The following PLEKHH2 variants were observed in gnomAD, a reference collection of about 807,000 sequenced individuals.
PLEKHH2 encodes the protein pleckstrin homology domain-containing family H member 2.
PLEKHH2 carries 129 observed loss-of-function variants against 187.9 expected under a neutral mutation model. That is an observed-to-expected ratio of 0.69 (90% CI 0.59 to 0.79). The LOEUF is 0.79. PLEKHH2 is among the 30% of genes least tolerant of loss of function. The pLI, the probability that PLEKHH2 is intolerant of heterozygous loss-of-function variation, is 0.00. For missense variants in PLEKHH2, 2,076 were observed against 1,751.2 expected (o/e 1.19, Z -3.31); for synonymous variants, 686 against 605.6 (o/e 1.13, Z -1.95).
chr2:43,751,819 T>A (rs1672022009), intron 24 of PLEKHH2, among the ~76,000 whole-genome samples: 1 of 152,062 alleles, frequency 6.6e-6, no homozygotes, highest in African/African-American at 2.4e-5. Context: ...TCATTTTTGT[T>A]CCTCTTCAAA....
intron 11 of PLEKHH2, 24 bp downstream of exon 11, chr2:43,707,569 G>A (rs750992824): frequency 2.5e-6 from 4 of 1,613,308 alleles, no homozygotes; most frequent in Admixed American, 1.7e-5. Flanking sequence ...GCAGGCATAT[G>A]AGGCAACTCC....
chr2:43,681,405 T>C (rs6728623), intron 3 of PLEKHH2: 281,466 of 1,543,448 alleles, frequency 0.18, 26,543 homozygotes, highest in Middle Eastern at 0.25. Flanking sequence ...ACTTTGTTCT[T>C]TCCTTTGTTT....
chr2:43,709,079 T>C (rs1480296811), intron 11 of PLEKHH2, among the ~76,000 whole-genome samples: 1 of 152,252 alleles, frequency 6.6e-6, no homozygotes, highest in Non-Finnish European at 1.5e-5. Context: ...GAAATGTGGC[T>C]TGCAACTCCC....
intron 1 of PLEKHH2, among the ~76,000 whole-genome samples, chr2:43,642,014 T>G (rs779361513): frequency 1.1e-4 from 17 of 152,204 alleles, no homozygotes; most frequent in Non-Finnish European, 1.9e-4. Context: ...CTGCAAAAAA[T>G]GCAGTTGCAA....
At chr2:43,736,906 T>A (rs1198238265) in intron 19 of PLEKHH2, among the ~76,000 whole-genome samples, 2 of 152,136 alleles carry the variant, frequency 1.3e-5, no homozygotes, top group Non-Finnish European at 2.9e-5. Flanking sequence ...ATTCGTGTTT[T>A]CATCTGAGAA....
intron 1 of PLEKHH2, among the ~76,000 whole-genome samples, chr2:43,641,259 A>G (rs1004191755): frequency 3.3e-5 from 5 of 152,166 alleles, no homozygotes; most frequent in African/African-American, 1.2e-4. Flanking sequence ...ACAAAAATTT[A>G]AAAATTTTTA....
At chr2:43,702,287 C>T (rs1669411940) in intron 8 of PLEKHH2, among the ~76,000 whole-genome samples, 1 of 152,090 alleles carries the variant, frequency 6.6e-6, no homozygotes, top group Non-Finnish European at 1.5e-5. Flanking sequence ...TGTATGTGCT[C>T]TTATTTGCTT....
chr2:43,689,232 G>T (rs1668677910), intron 3 of PLEKHH2, among the ~76,000 whole-genome samples: 1 of 152,316 alleles, frequency 6.6e-6, no homozygotes, highest in Middle Eastern at 3.4e-3. Flanking sequence ...CAGGAGTTTA[G>T]GGACCTTGGG....
At chr2:43,675,465 C>T (rs780358492) in intron 2 of PLEKHH2, 2 of 1,613,960 alleles carry the variant, frequency 1.2e-6, no homozygotes, top group South Asian at 1.1e-5. Context: ...GGCCATACAT[C>T]ATTACTTCCA....
chr2:43,666,893 C>A (rs969409586), intron 2 of PLEKHH2, among the ~76,000 whole-genome samples: 1 of 152,040 alleles, frequency 6.6e-6, no homozygotes, highest in Non-Finnish European at 1.5e-5. Context: ...TCTAGTATCT[C>A]ATTTTTCTTA....
At chr2:43,675,358 C>T in intron 2 of PLEKHH2, 1 of 1,541,004 alleles carries the variant, frequency 6.5e-7, no homozygotes, top group Non-Finnish European at 8.7e-7. Flanking sequence ...CAGCACAGGT[C>T]TATTATTCTC....
intron 9 of PLEKHH2, 123 bp from the exon 10 acceptor site, chr2:43,706,199 G>A (rs749539953): frequency 1.2e-5 from 9 of 720,462 alleles, no homozygotes; most frequent in Non-Finnish European, 2.2e-5. Context: ...TATACAGTTA[G>A]TAATCATGTA....
intron 1 of PLEKHH2, among the ~76,000 whole-genome samples, chr2:43,638,193 G>C (rs936845316): frequency 7.2e-5 from 11 of 151,874 alleles, no homozygotes; most frequent in Non-Finnish European, 1.2e-4. Context: ...GCTAGGTGGT[G>C]GTCAGAAGGT....
In PLEKHH2 at chr2:43,767,306, G is replaced by A. The variant is rs535598918; in HGVS notation, c.*1708G>A. Reference sequence around the variant, plus strand: ...TGGCAATGTACTGTTCTCACATTAAGCCTTTTAAAAATGTTCCATACTGTA... The same window carrying A: ...TGGCAATGTACTGTTCTCACATTAAACCTTTTAAAAATGTTCCATACTGTA... On this transcript the variant is annotated 3_prime_UTR_variant, in exon 30 of 30. Transcript: ENST00000282406. The A allele has an allele frequency of 6.6e-6, 1 of 152,298 alleles. No homozygotes were observed. Among genetic ancestry groups the A allele is most frequent in the Non-Finnish European group, 1.5e-5 (1 of 68,008 alleles). 9.4% of individuals were successfully genotyped at this position (152,298 alleles called of 1,614,324 possible). A position where few individuals can be genotyped will look rare whatever the true frequency, so the allele number is the denominator to read the frequency against.
At chr2:43,706,463 G>A (rs1197794926) in intron 10 of PLEKHH2, 47 bp downstream of exon 10, 1 of 1,312,670 alleles carries the variant, frequency 7.6e-7, no homozygotes, top group Non-Finnish European at 1.1e-6. Context: ...TCTTCATGAT[G>A]GATCAAGGAA....
intron 17 of PLEKHH2, 130 bp from the exon 18 acceptor site, chr2:43,729,507 C>T: frequency 1.8e-6 from 1 of 547,536 alleles, no homozygotes; most frequent in Non-Finnish European, 3.0e-6. Context: ...AATGGCTTTT[C>T]ATTATTATTT....
chr2:43,689,692 G>C (rs1301328668), intron 3 of PLEKHH2, among the ~76,000 whole-genome samples: 1 of 152,160 alleles, frequency 6.6e-6, no homozygotes, highest in East Asian at 1.9e-4. Context: ...TTCTCTAAGA[G>C]ATTTTGCCCC....
intron 15 of PLEKHH2, among the ~76,000 whole-genome samples, chr2:43,716,407 C>A (rs1670211865): frequency 6.6e-6 from 1 of 152,100 alleles, no homozygotes. Context: ...TTCCGTACGA[C>A]AATGTTATTT....
intron 15 of PLEKHH2, among the ~76,000 whole-genome samples, chr2:43,718,036 T>C (rs1670297037): frequency 6.6e-6 from 1 of 152,204 alleles, no homozygotes; most frequent in Admixed American, 6.5e-5. Context: ...TTATGGTTTG[T>C]GCAGTGGCAA....
Sources: gnomAD v4.1 joint callset for allele counts (sites outside exome capture counted in the v4.1 genomes callset) on GRCh38, gnomAD v4.1.1 for gene constraint, MANE v1.5 for transcripts, NCBI Gene and HGNC (gene_info 2026-07-23, HGNC 2026-07-21) for gene names.